The following TRAF3IP1 variants were observed in gnomAD, a reference collection of about 807,000 sequenced individuals.
TRAF3IP1 encodes intraflagellar transport 54.
In TRAF3IP1, 53 loss-of-function variants were observed where a neutral mutation model predicts 89.9. The observed-to-expected ratio is 0.59, with a 90% CI of 0.47 to 0.74. TRAF3IP1 has a LOEUF of 0.74. TRAF3IP1 is among the 30% of genes least tolerant of loss of function. The pLI is 0.00. For synonymous variants in TRAF3IP1, 311 were observed against 322.1 expected (o/e 0.97, Z 0.37); for missense variants, 806 against 866.1 (o/e 0.93, Z 0.87).
intron 7 of TRAF3IP1, among the ~76,000 whole-genome samples, chr2:238,334,752 A>ATAAT (rs1341018975): frequency 2.6e-5 from 4 of 152,242 alleles, no homozygotes; most frequent in Admixed American, 2.6e-4. Context: ...CATGTGCACA[A>ATAAT]TAATTAGTAA....
At chr2:238,323,647 C>T (rs945658159) in intron 1 of TRAF3IP1, among the ~76,000 whole-genome samples, 4 of 152,188 alleles carry the variant, frequency 2.6e-5, no homozygotes, top group African/African-American at 9.7e-5. Flanking sequence ...AACATGTCTT[C>T]CCGTAATAAA....
At chr2:238,334,743 A>G (rs1401867940) in intron 7 of TRAF3IP1, among the ~76,000 whole-genome samples, 1 of 152,250 alleles carries the variant, frequency 6.6e-6, no homozygotes, top group Non-Finnish European at 1.5e-5. Context: ...TAGGTTCCAC[A>G]TGTGCACAAT....
At chr2:238,373,174 T>C (rs948632611) in intron 15 of TRAF3IP1, among the ~76,000 whole-genome samples, 15 of 152,250 alleles carry the variant, frequency 9.9e-5, no homozygotes, top group African/African-American at 3.4e-4. Flanking sequence ...TTGTTGCCAT[T>C]GCTTTTGGTG....
chr2:238,375,923 A>G (rs941817230), intron 15 of TRAF3IP1, among the ~76,000 whole-genome samples: 1 of 152,158 alleles, frequency 6.6e-6, no homozygotes. Flanking sequence ...TTCTCTCCTC[A>G]TATGGATAAC....
At chr2:238,359,273 C>T (rs1699559145) in intron 15 of TRAF3IP1, among the ~76,000 whole-genome samples, 1 of 152,164 alleles carries the variant, frequency 6.6e-6, no homozygotes, top group African/African-American at 2.4e-5. Flanking sequence ...TCCATGCCAA[C>T]GACAGTCAAG....
At chr2:238,358,417 T>G (rs535656609) in intron 15 of TRAF3IP1, among the ~76,000 whole-genome samples, 3 of 152,222 alleles carry the variant, frequency 2.0e-5, no homozygotes, top group Admixed American at 6.5e-5. Flanking sequence ...ACACTTGTAG[T>G]CCCAGCTACT....
rs1701409153 is a variant in TRAF3IP1, at chr2:238,400,242, C to T, written c.*1323C>T. On this transcript the variant is annotated 3_prime_UTR_variant, in exon 17 of 17. Coordinates refer to ENST00000373327, the MANE Select transcript of TRAF3IP1 (RefSeq NM_015650.4). The stretch of plus-strand genomic sequence containing the variant: ...TCCTGAGTAACTGGGACTACAGGCG[C>T]ACGCCACCATGCCCAGCTAATTTTT... The T allele has an allele frequency of 6.6e-6, 1 of 152,076 alleles. No individual in the cohort carries two copies. Among genetic ancestry groups the T allele is most frequent in the South Asian group, 2.1e-4 (1 of 4,812 alleles). The allele number at this position is 152,076 out of a possible 1,614,324, so 9.4% of individuals were successfully genotyped here. A position where few individuals can be genotyped will look rare whatever the true frequency, so the allele number is the denominator to read the frequency against.
chr2:238,344,345 C>T (rs766480279), intron 8 of TRAF3IP1, 152 bp from the exon 9 acceptor site: 8 of 645,404 alleles, frequency 1.2e-5, no homozygotes, highest in Admixed American at 2.9e-5. Context: ...TGCATGTTTT[C>T]TAAAAGCTGC....
intron 15 of TRAF3IP1, among the ~76,000 whole-genome samples, chr2:238,391,257 A>G (rs935614705): frequency 3.9e-5 from 6 of 152,206 alleles, no homozygotes; most frequent in African/African-American, 1.4e-4. Context: ...ACACCCAGCC[A>G]TGACAGATTT....
Position 238,328,623 on chromosome 2 carries a change from A to G in TRAF3IP1, c.355-63A>G, listed in dbSNP as rs575797381. ...AGCTATCTTTGAATGGCGATGTTCT[A>G]TTTGTTACGTGTGCGGATCTCATTT... On this transcript the variant is annotated intron_variant, in intron 3 of 16. Transcript: ENST00000373327. 1.9e-4 allele frequency: 290 copies of G among 1,557,086 alleles called. 1 individual carries two copies. In the South Asian group the frequency reaches 3.0e-3, roughly 16 times the overall value.
intron 15 of TRAF3IP1, among the ~76,000 whole-genome samples, chr2:238,375,214 G>A (rs899764565): frequency 6.6e-6 from 1 of 152,078 alleles, no homozygotes; most frequent in Non-Finnish European, 1.5e-5. Context: ...TCTTTTAATT[G>A]TGATGTTAGG....
At chr2:238,347,590 T>C in intron 10 of TRAF3IP1, 115 bp downstream of exon 10, 1 of 1,041,960 alleles carries the variant, frequency 9.6e-7, no homozygotes, top group South Asian at 1.4e-5. Context: ...AGTAACTTAT[T>C]TTATGGAAAA....
intron 1 of TRAF3IP1, among the ~76,000 whole-genome samples, chr2:238,321,691 T>G (rs1697555622): frequency 6.6e-6 from 1 of 152,202 alleles, no homozygotes; most frequent in South Asian, 2.1e-4. Context: ...AACTCCCTGG[T>G]AACTCTCAGG....
At chr2:238,396,590 C>T (rs1373803226) in intron 15 of TRAF3IP1, among the ~76,000 whole-genome samples, 3 of 151,634 alleles carry the variant, frequency 2.0e-5, no homozygotes, top group Non-Finnish European at 4.4e-5. Context: ...TTAATTTTCC[C>T]AAGCTTATTG....
chr2:238,385,273 C>T (rs979376393), intron 15 of TRAF3IP1, among the ~76,000 whole-genome samples: 3 of 152,186 alleles, frequency 2.0e-5, no homozygotes, highest in African/African-American at 7.2e-5. Context: ...GCCTCGGCCT[C>T]CCAAAGTGCT....
intron 15 of TRAF3IP1, among the ~76,000 whole-genome samples, chr2:238,374,430 A>G (rs573185704): frequency 2.0e-5 from 3 of 152,154 alleles, no homozygotes; most frequent in African/African-American, 7.2e-5. Flanking sequence ...GATTACGTTT[A>G]TTGATTTGTG....
chr2:238,325,828 G>A lies in TRAF3IP1; in HGVS notation c.212G>A (p.Ser71Asn). The A allele has an allele frequency of 6.2e-7, 1 of 1,611,976 alleles. No individual in the cohort carries two copies. Among genetic ancestry groups the A allele is most frequent in the Non-Finnish European group, 8.5e-7 (1 of 1,179,446 alleles). Reference protein sequence around the residue: ...DNVKDKDAKISFLQKAIDVVV... With the variant: ...DNVKDKDAKINFLQKAIDVVV... ...TTTCAGGATAAAGATGCAAAAATTAGCTTCCTACAAAAGGCCATAGACGTG... is the reference window on the plus strand; with the variant it reads ...TTTCAGGATAAAGATGCAAAAATTAACTTCCTACAAAAGGCCATAGACGTG... Residue 71 changes from serine to asparagine, a missense_variant, in exon 3 of 17, where the codon AGC (serine) becomes AAC (asparagine). Coordinates refer to ENST00000373327, the MANE Select transcript of TRAF3IP1 (RefSeq NM_015650.4).
chr2:238,325,501 G>C (rs1386168971), intron 2 of TRAF3IP1, 127 bp downstream of exon 2: 1 of 932,508 alleles, frequency 1.1e-6, no homozygotes, highest in Non-Finnish European at 1.7e-6. Flanking sequence ...CAGTGAATTC[G>C]TAAATTGATA....
intron 15 of TRAF3IP1, among the ~76,000 whole-genome samples, chr2:238,360,725 C>A (rs944876430): frequency 2.0e-5 from 3 of 151,912 alleles, no homozygotes; most frequent in African/African-American, 7.3e-5. Context: ...ACTAAAAATA[C>A]AAAAAATTAG....
Sources: gnomAD v4.1 joint callset for allele counts (sites outside exome capture counted in the v4.1 genomes callset) on GRCh38, gnomAD v4.1.1 for gene constraint, MANE v1.5 for transcripts, NCBI Gene and HGNC (gene_info 2026-07-23, HGNC 2026-07-21) for gene names.